STK3: variants seen among roughly 807,000 people sequenced by gnomAD.
STK3 encodes serine/threonine kinase 3, also known as serine/threonine-protein kinase 3.
In STK3, 41 loss-of-function variants were observed where a neutral mutation model predicts 58.0. The ratio of observed to expected loss-of-function variants is 0.71; its 90% CI spans 0.55 to 0.92. The LOEUF (loss-of-function observed/expected upper bound fraction) is 0.92, where lower values mean the gene tolerates loss of function less well. STK3 is among the 40% of genes least tolerant of loss of function. The pLI is 0.00. For synonymous variants in STK3, 170 were observed against 191.0 expected, an observed-to-expected ratio of 0.89 and a Z score of 0.91; for missense variants, 479 against 602.7, an observed-to-expected ratio of 0.79 and a Z score of 2.15.
chr8:98,598,747 A>C (rs1816049977), intron 6 of STK3: 2 of 985,294 alleles, frequency 2.0e-6, no homozygotes, highest in Admixed American at 6.2e-5. Flanking sequence ...CTTATCTCTA[A>C]CACCATTTTG....
At chr8:98,896,251 T>C (rs1334260046) in intron 1 of STK3, among the ~76,000 whole-genome samples, 1 of 152,144 alleles carries the variant, frequency 6.6e-6, no homozygotes, top group East Asian at 1.9e-4. Flanking sequence ...AGCATCAAAT[T>C]CACGAGAGAA....
chr8:98,799,694 C>CAG (rs1221025657), intron 1 of STK3, among the ~76,000 whole-genome samples: 1 of 152,164 alleles, frequency 6.6e-6, no homozygotes, highest in Non-Finnish European at 1.5e-5. Context: ...TCCATCAGCA[C>CAG]AGAGCCATAC....
intron 8 of STK3, among the ~76,000 whole-genome samples, chr8:98,574,062 G>T (rs532072861): frequency 6.6e-6 from 1 of 152,076 alleles, no homozygotes; most frequent in Non-Finnish European, 1.5e-5. Context: ...GACACATGGG[G>T]ATTATGGGAA....
chr8:98,379,836 T>G (rs1817714717), intron 1 of STK3, among the ~76,000 whole-genome samples: 1 of 152,206 alleles, frequency 6.6e-6, no homozygotes, highest in Non-Finnish European at 1.5e-5. Flanking sequence ...CTTGAAGAGA[T>G]GCTAGAACTC....
chr8:98,849,902 A>G (rs1235082343), intron 3 of STK3, among the ~76,000 whole-genome samples: 1 of 152,148 alleles, frequency 6.6e-6, no homozygotes, highest in Non-Finnish European at 1.5e-5. Context: ...TATACACACT[A>G]GGTATGGCAT....
At chr8:98,722,872 A>G (rs751120189) in intron 4 of STK3, 2 of 507,490 alleles carry the variant, frequency 3.9e-6, no homozygotes, top group South Asian at 2.9e-5. Context: ...TTCATATAGA[A>G]GAAGGTAATG....
intron 9 of STK3, among the ~76,000 whole-genome samples, chr8:98,528,819 T>C (rs1485743677): frequency 1.3e-5 from 2 of 152,218 alleles, no homozygotes; most frequent in Non-Finnish European, 2.9e-5. Flanking sequence ...TTTCCTTCCG[T>C]AATTTACACT....
intron 10 of STK3, among the ~76,000 whole-genome samples, chr8:98,516,455 T>C (rs979264256): frequency 5.3e-5 from 8 of 152,070 alleles, no homozygotes; most frequent in African/African-American, 1.9e-4. Context: ...ATTTGAAGAA[T>C]ATTTTTTCTA....
At chr8:98,919,533 A>G (rs938863997) in intron 1 of STK3, among the ~76,000 whole-genome samples, 8 of 152,180 alleles carry the variant, frequency 5.3e-5, no homozygotes, top group African/African-American at 1.9e-4. Flanking sequence ...GGGAGGGGGA[A>G]ATTCTATGTT....
chr8:98,878,736 T>C (rs1837664445), intron 3 of STK3, among the ~76,000 whole-genome samples: 2 of 152,090 alleles, frequency 1.3e-5, no homozygotes, highest in Non-Finnish European at 2.9e-5. Flanking sequence ...AGAAGTAACT[T>C]GCCTTGCTGA....
intron 4 of STK3, among the ~76,000 whole-genome samples, chr8:98,721,779 A>G (rs903565661): frequency 4.6e-5 from 7 of 152,186 alleles, no homozygotes; most frequent in African/African-American, 1.7e-4. Flanking sequence ...CAGGGGTTAC[A>G]ATATTGCTGT....
intron 1 of STK3, among the ~76,000 whole-genome samples, chr8:98,887,625 A>C (rs1352558813): frequency 6.6e-6 from 1 of 152,230 alleles, no homozygotes; most frequent in Non-Finnish European, 1.5e-5. Context: ...AAAAGTATAC[A>C]ACCACACACC....
chr8:98,424,763 T>C (rs996104284), intron 3 of STK3, among the ~76,000 whole-genome samples: 1 of 152,142 alleles, frequency 6.6e-6, no homozygotes, highest in African/African-American at 2.4e-5. Flanking sequence ...ACCCTCCAAA[T>C]GCAGCAGAAA....
downstream of STK3, among the ~76,000 whole-genome samples, chr8:98,453,800 T>C (rs1819309931): frequency 6.6e-6 from 1 of 152,168 alleles, no homozygotes; most frequent in Non-Finnish European, 1.5e-5. Context: ...GTGGTTTTGC[T>C]TGGATGACAG....
rs1837132263 is a variant in STK3, at chr8:98,866,104, A to G, written c.110+17543T>C. 2.0e-5 allele frequency among the ~76,000 whole-genome samples: 3 copies of G among 152,358 alleles called. No individual in the cohort carries two copies. The South Asian group carries it at 6.2e-4, about 32-fold the overall frequency. On this transcript the variant is annotated intron_variant, in intron 3 of 12. Coordinates refer to the STK3 transcript ENST00000523601. Reference sequence around the variant, plus strand: ...TTAGACCATCATGCTCAGATCTCTCAGGCATGTTGCTGATGGAGCAGAAAT... The same window carrying G: ...TTAGACCATCATGCTCAGATCTCTCGGGCATGTTGCTGATGGAGCAGAAAT...
intron 3 of STK3, among the ~76,000 whole-genome samples, chr8:98,868,918 A>G (rs113494692): frequency 0.033 from 4,991 of 151,988 alleles, 115 homozygotes; most frequent in Non-Finnish European, 0.047. Context: ...TCAAGCCTGT[A>G]GTGAGCTATG....
the STK3 span, among the ~76,000 whole-genome samples, chr8:98,358,213 A>C: frequency 6.6e-6 from 1 of 152,194 alleles, no homozygotes; most frequent in Non-Finnish European, 1.5e-5. Flanking sequence ...CCAGGAACAC[A>C]ATGCGTGAAG....
At chr8:98,905,661 G>A (rs1225089745) in intron 1 of STK3, 1 of 761,746 alleles carries the variant, frequency 1.3e-6, no homozygotes, top group Non-Finnish European at 2.4e-6. Context: ...CTGATGAACA[G>A]CTTCATCATC....
chr8:98,661,364 A>G lies in STK3; in HGVS notation c.684+45103T>C, dbSNP rs140113397. Among the ~76,000 whole-genome samples the G allele has an allele frequency of 5.8e-3, 890 of 152,204 alleles. 4 individuals carry two copies. The highest frequency in any genetic ancestry group is 0.01 in the Middle Eastern group (3 of 294). ...ATTTAGCTCAATGAAGTTTTAAAAT[A>G]CTAACCACATCTTATTTTACCTCTT... On this transcript the variant is annotated intron_variant, in intron 6 of 10. Transcript: ENST00000419617.
Sources: allele counts gnomAD v4.1 joint callset (sites outside exome capture counted in the v4.1 genomes callset), GRCh38; gene constraint gnomAD v4.1.1; transcripts MANE v1.5; gene names NCBI Gene and HGNC (gene_info 2026-07-23, HGNC 2026-07-21).